METTL15: variants seen among roughly 807,000 people sequenced by gnomAD.
METTL15 encodes the protein methyltransferase 15, mitochondrial 12S rRNA N4-cytidine.
METTL15 carries 34 observed loss-of-function variants against 38.3 expected under a neutral mutation model. The observed-to-expected ratio is 0.89, with a 90% CI of 0.68 to 1.18. The LOEUF (loss-of-function observed/expected upper bound fraction) is 1.18. Among genes scored for constraint, METTL15 ranks in the 50% most tolerant of loss-of-function variants. The pLI is 0.00. For synonymous variants in METTL15, 162 were observed against 170.9 expected (o/e 0.95, Z 0.41); for missense variants, 438 against 498.4 (o/e 0.88, Z 1.15).
At chr11:28,119,952 T>A (rs1471363390) in intron 3 of METTL15, among the ~76,000 whole-genome samples, 1 of 152,138 alleles carries the variant, frequency 6.6e-6, no homozygotes, top group South Asian at 2.1e-4. Context: ...GAGGGAGATA[T>A]CTTTTTAAAT....
chr11:28,347,838 TAGTA>T (rs1487380206), intron 3 of METTL15, among the ~76,000 whole-genome samples: 1 of 152,244 alleles, frequency 6.6e-6, no homozygotes, highest in African/African-American at 2.4e-5. Flanking sequence ...TTATCTCCTT[TAGTA>T]AGCCTTTCCT....
At chr11:28,222,258 G>A (rs559898790) in intron 4 of METTL15, among the ~76,000 whole-genome samples, 12 of 152,242 alleles carry the variant, frequency 7.9e-5, no homozygotes, top group Non-Finnish European at 1.3e-4. Flanking sequence ...AATGGCGGGC[G>A]CCCCTCCCCC....
chr11:28,136,511 A>G (rs139346228), intron 3 of METTL15, among the ~76,000 whole-genome samples: 76 of 152,304 alleles, frequency 5.0e-4, no homozygotes, highest in African/African-American at 1.6e-3. Flanking sequence ...CTTTATTAGC[A>G]GAATGAGAAC....
chr11:28,220,483 A>G (rs901645739), intron 4 of METTL15, among the ~76,000 whole-genome samples: 5 of 152,136 alleles, frequency 3.3e-5, no homozygotes, highest in African/African-American at 4.8e-5. Context: ...TTTCCTGAAT[A>G]CAGCACACTG....
At chr11:28,337,052 C>G (rs934833044), downstream of METTL15, among the ~76,000 whole-genome samples, 3 of 151,790 alleles carry the variant, frequency 2.0e-5, no homozygotes, top group African/African-American at 7.3e-5. Flanking sequence ...GCATTTGTGG[C>G]TTAGTTTTTA....
chr11:28,379,564 A>T lies in METTL15; in HGVS notation c.*358+17528A>T, dbSNP rs192819102. ...ATTCTAGTTTTATTCCATTGTTATC[A>T]GAAAAGATACTTTATATAATTACTA... On this transcript the variant is annotated intron_variant and NMD_transcript_variant, in intron 5 of 7. Coordinates refer to the METTL15 transcript ENST00000532947. 3.7e-3 allele frequency among the ~76,000 whole-genome samples: 557 copies of T among 152,244 alleles called. 3 individuals carry two copies. Among genetic ancestry groups the T allele is most frequent in the Non-Finnish European group, 6.4e-3 (435 of 68,006 alleles).
intron 3 of METTL15, among the ~76,000 whole-genome samples, chr11:28,202,623 A>G (rs1852158756): frequency 1.3e-5 from 2 of 152,256 alleles, no homozygotes; most frequent in African/African-American, 4.8e-5. Context: ...AAAAAAATCT[A>G]TATAGTTCAG....
intron 6 of METTL15, among the ~76,000 whole-genome samples, chr11:28,320,563 C>T (rs377714246): frequency 4.0e-5 from 6 of 151,838 alleles, no homozygotes; most frequent in African/African-American, 1.4e-4. Flanking sequence ...GTGCCCCCGA[C>T]CCCCCAAAAA....
chr11:28,402,525 G>C (rs919177926), intron 5 of METTL15, among the ~76,000 whole-genome samples: 6 of 151,834 alleles, frequency 4.0e-5, no homozygotes, highest in African/African-American at 1.5e-4. Flanking sequence ...CTCCCACCTT[G>C]AAATCTAGTG....
intron 4 of METTL15, among the ~76,000 whole-genome samples, chr11:28,231,578 T>A (rs1379723282): frequency 1.3e-5 from 2 of 151,866 alleles, no homozygotes; most frequent in Non-Finnish European, 2.9e-5. Context: ...GCCTTTCTTT[T>A]CTCTAGATTC....
chr11:28,287,009 C>CTA lies in METTL15; in HGVS notation c.408-3183_408-3182dup, dbSNP rs35117728. On this transcript the variant is annotated intron_variant, in intron 4 of 6. Coordinates refer to ENST00000407364, the MANE Select transcript of METTL15 (RefSeq NM_001113528.2). ...ACTATATATATATGTATTCTCCACA[C>CTA]TATATATATATATATGTACTCTCCG... Among the ~76,000 whole-genome samples the CTA allele has an allele frequency of 8.9e-4, 131 of 147,840 alleles. 1 individual carries two copies. The highest frequency in any genetic ancestry group is 2.1e-3 in the South Asian group (10 of 4,666).
At chr11:28,334,773 TTTTAA>T (rs754034912), downstream of METTL15, among the ~76,000 whole-genome samples, 1 of 152,160 alleles carries the variant, frequency 6.6e-6, no homozygotes. Context: ...TAAATTATTT[TTTTAA>T]AGTCTAGTTG....
At position 28,211,059 on chromosome 11, in the gene METTL15, T is replaced by C. The variant is rs772658792; in HGVS notation, c.271-3T>C. 1.2e-6 allele frequency: 2 copies of C among 1,600,816 alleles called. No individual in the cohort carries two copies. Among genetic ancestry groups the C allele is most frequent in the Non-Finnish European group, 1.7e-6 (2 of 1,176,250 alleles). ...TGTAATTTTCTTTTTCTGTGTTTGC[T>C]AGATTTTTCTAGATATGACATTTGG... On this transcript the variant is annotated splice_region_variant and splice_polypyrimidine_tract_variant and intron_variant, in intron 3 of 6. Transcript: ENST00000407364.
chr11:28,416,381 C>A (rs988905630), intron 5 of METTL15, among the ~76,000 whole-genome samples: 3 of 152,212 alleles, frequency 2.0e-5, no homozygotes, highest in Non-Finnish European at 4.4e-5. Context: ...ACCCTGGAAG[C>A]AAGCTCAGGG....
chr11:28,429,995 G>A (rs1229665419), intron 6 of METTL15, among the ~76,000 whole-genome samples: 6 of 129,676 alleles, frequency 4.6e-5, no homozygotes, highest in African/African-American at 1.5e-4. Context: ...TGTGGGGAGC[G>A]CCTCTGCCCC....
intron 3 of METTL15, among the ~76,000 whole-genome samples, chr11:28,206,588 C>T (rs537739860): frequency 5.4e-5 from 8 of 148,334 alleles, no homozygotes; most frequent in Admixed American, 3.4e-4. Context: ...CTTGGCAATG[C>T]GGGCTGTTTT....
chr11:28,115,841 C>T (rs959815169), intron 3 of METTL15, among the ~76,000 whole-genome samples: 2 of 150,032 alleles, frequency 1.3e-5, no homozygotes, highest in African/African-American at 2.5e-5. Context: ...AAGGATAAAT[C>T]GTGTGTGTGT....
chr11:28,430,108 A>T (rs201063881), intron 6 of METTL15, among the ~76,000 whole-genome samples: 57,064 of 139,522 alleles, frequency 0.41, 12,048 homozygotes, highest in Admixed American at 0.52. Flanking sequence ...AAGTGAGGAG[A>T]CCCTCTGCCT....
chr11:28,198,241 G>A (rs904299157), intron 3 of METTL15, among the ~76,000 whole-genome samples: 4 of 152,142 alleles, frequency 2.6e-5, no homozygotes, highest in South Asian at 2.1e-4. Context: ...TAATTTAGCC[G>A]TTCTATCTGT....
Sources: allele counts gnomAD v4.1 joint callset (sites outside exome capture counted in the v4.1 genomes callset), GRCh38; gene constraint gnomAD v4.1.1; transcripts MANE v1.5; gene names NCBI Gene and HGNC (gene_info 2026-07-23, HGNC 2026-07-21).